Variants in DLG1 observed in about 807,000 individuals in gnomAD.
DLG1 encodes the protein discs large MAGUK scaffold protein 1, also known as disks large homolog 1.
A neutral mutation model predicts 123.4 loss-of-function variants in DLG1; 42 were observed. The observed-to-expected ratio is 0.34, with a 90% confidence interval of 0.27 to 0.44. The LOEUF is 0.44. DLG1 is among the 20% of genes least tolerant of loss of function. The pLI is 1.00. For missense variants in DLG1, 942 were observed against 1,082.6 expected (o/e 0.87, Z 1.82); for synonymous variants, 317 against 356.2 (o/e 0.89, Z 1.24).
At chr3:197,090,189 T>C (rs978823625) in intron 15 of DLG1, among the ~76,000 whole-genome samples, 4 of 152,100 alleles carry the variant, frequency 2.6e-5, no homozygotes, top group Non-Finnish European at 4.4e-5. Flanking sequence ...TTCAGATTAC[T>C]TACAGTGCTA....
At chr3:197,135,963 C>G (rs1408514901) in intron 10 of DLG1, among the ~76,000 whole-genome samples, 1 of 151,886 alleles carries the variant, frequency 6.6e-6, no homozygotes, top group Non-Finnish European at 1.5e-5. Flanking sequence ...AGGTGTATAT[C>G]ACCAGGTCTG....
At position 197,140,047 on chromosome 3, in the gene DLG1, G is replaced by A. The variant is rs1215148035; in HGVS notation, c.713+93C>T. On this transcript the variant is annotated intron_variant, in intron 8 of 24. Transcript: ENST00000667157. ...CTACCCTATGCTAGTTATCATGATC[G>A]TGTTTGTTATTTGTATTTATCCCTT... The A allele has an allele frequency of 1.3e-5, 18 of 1,371,458 alleles. No homozygotes were observed. The East Asian group carries it at 3.3e-4, about 25-fold the overall frequency. The allele number at this position is 1,371,458 out of a possible 1,614,324, so 85.0% of individuals were successfully genotyped here. A position where few individuals can be genotyped will look rare whatever the true frequency, so the allele number is the denominator to read the frequency against.
At chr3:197,274,434 C>A (rs112359194) in intron 4 of DLG1, among the ~76,000 whole-genome samples, 2,699 of 152,040 alleles carry the variant, frequency 0.018, 43 homozygotes, top group Non-Finnish European at 0.029. Context: ...AATATGAAAA[C>A]GTAACAAAAA....
intron 10 of DLG1, among the ~76,000 whole-genome samples, chr3:197,131,543 A>G (rs1394949215): frequency 6.6e-6 from 1 of 151,174 alleles, no homozygotes; most frequent in Non-Finnish European, 1.5e-5. Context: ...GTCTATATAC[A>G]ATATGATGAC....
intron 13 of DLG1, among the ~76,000 whole-genome samples, chr3:197,110,888 GCA>G (rs1380053132): frequency 1.3e-5 from 2 of 152,138 alleles, no homozygotes; most frequent in Non-Finnish European, 2.9e-5. Context: ...TAAATCGCTT[GCA>G]CAGAGGCTCA....
At chr3:197,109,263 G>C (rs1001772151) in intron 13 of DLG1, among the ~76,000 whole-genome samples, 15 of 152,136 alleles carry the variant, frequency 9.9e-5, no homozygotes, top group African/African-American at 3.6e-4. Flanking sequence ...CCAGCTACTC[G>C]GGAGGCTGAG....
At chr3:197,256,145 C>A (rs1024492796) in intron 4 of DLG1, among the ~76,000 whole-genome samples, 8 of 152,284 alleles carry the variant, frequency 5.3e-5, no homozygotes, top group African/African-American at 1.9e-4. Context: ...TAAAATGATT[C>A]TTTTTAGATA....
intron 23 of DLG1, among the ~76,000 whole-genome samples, chr3:197,059,200 C>T (rs1734071624): frequency 1.3e-5 from 2 of 152,150 alleles, no homozygotes; most frequent in Admixed American, 1.3e-4. Flanking sequence ...GGTGGGATTA[C>T]AGACGTGAGC....
At chr3:197,272,956 T>A (rs1764543758) in intron 4 of DLG1, among the ~76,000 whole-genome samples, 1 of 152,206 alleles carries the variant, frequency 6.6e-6, no homozygotes, top group African/African-American at 2.4e-5. Context: ...TACAATTCAG[T>A]GATTTTTGAT....
intron 4 of DLG1, among the ~76,000 whole-genome samples, chr3:197,280,199 A>G (rs1768547923): frequency 6.6e-6 from 1 of 152,016 alleles, no homozygotes; most frequent in Non-Finnish European, 1.5e-5. Context: ...TGAGATCAAC[A>G]TTTTTAGCTC....
At chr3:197,259,536 A>G (rs1279484649) in intron 4 of DLG1, among the ~76,000 whole-genome samples, 1 of 152,230 alleles carries the variant, frequency 6.6e-6, no homozygotes, top group Non-Finnish European at 1.5e-5. Context: ...ACTATGAGAC[A>G]TCGTAAGTGC....
chr3:197,145,030 C>T (rs991926613), intron 6 of DLG1, among the ~76,000 whole-genome samples: 13 of 142,634 alleles, frequency 9.1e-5, no homozygotes, highest in African/African-American at 1.3e-4. Context: ...ACCAGGAGCT[C>T]GCTTGCTTGC....
intron 4 of DLG1, among the ~76,000 whole-genome samples, chr3:197,254,020 A>C (rs985342622): frequency 6.6e-6 from 1 of 152,192 alleles, no homozygotes; most frequent in Non-Finnish European, 1.5e-5. Flanking sequence ...ACTTACCTAA[A>C]CAGTGTATCT....
chr3:197,199,263 C>T (rs1324497686), intron 4 of DLG1, among the ~76,000 whole-genome samples: 1 of 152,146 alleles, frequency 6.6e-6, no homozygotes, highest in East Asian at 1.9e-4. Flanking sequence ...AGTCTATTCT[C>T]TATTATAGGT....
At chr3:197,253,386 T>C (rs563186866) in intron 4 of DLG1, among the ~76,000 whole-genome samples, 2 of 152,170 alleles carry the variant, frequency 1.3e-5, no homozygotes, top group East Asian at 3.9e-4. Flanking sequence ...TAAAATAAAA[T>C]GAGGCAACAC....
At chr3:197,214,709 A>T (rs1197701852) in intron 4 of DLG1, among the ~76,000 whole-genome samples, 1 of 152,212 alleles carries the variant, frequency 6.6e-6, no homozygotes, top group Non-Finnish European at 1.5e-5. Context: ...GGAGAGCTCA[A>T]GTACATTACA....
In DLG1 at chr3:197,064,968, G is replaced by A. The variant is rs150023472; in HGVS notation, c.2373+308C>T. 1.4e-4 allele frequency among the ~76,000 whole-genome samples: 21 copies of A among 151,730 alleles called. 1 individual carries two copies. The East Asian group carries it at 3.1e-3, about 22-fold the overall frequency. On this transcript the variant is annotated intron_variant, in intron 22 of 24. Transcript: ENST00000667157. ...ACTGTAAGGGTGCACTGCCACACCC[G>A]GCCCTTATCTCCTTTTAATATATGC...
rs1364260335 is a variant in DLG1 at position 197,066,729 on chromosome 3, A to C, written c.2073T>G (p.Ser691=). 3.7e-6 allele frequency: 6 copies of C among 1,605,820 alleles called. No homozygotes were observed. Among genetic ancestry groups the C allele is most frequent in the Non-Finnish European group, 5.1e-6 (6 of 1,173,844 alleles). The change falls in exon 20 of 25, where the codon TCT becomes TCG. Residue 691 remains serine, a synonymous_variant. Coordinates refer to ENST00000667157, the MANE Select transcript of DLG1 (RefSeq NM_001366207.1). ...SYRGQEEYVL[S]YEPVNQQEVN... ...CTTCTTGTTGATTCACTGGTTCATAAGATAAGACGTATTCTTCTTGACCAC... is the reference window on the plus strand; with the variant it reads ...CTTCTTGTTGATTCACTGGTTCATACGATAAGACGTATTCTTCTTGACCAC...
intron 13 of DLG1, among the ~76,000 whole-genome samples, chr3:197,105,552 T>TGA (rs1765867676): frequency 6.6e-6 from 1 of 152,228 alleles, no homozygotes; most frequent in Non-Finnish European, 1.5e-5. Flanking sequence ...TTAGAATAAA[T>TGA]GTTAATTAAA....
Sources: gnomAD v4.1 joint callset for allele counts (sites outside exome capture counted in the v4.1 genomes callset) on GRCh38, gnomAD v4.1.1 for gene constraint, MANE v1.5 for transcripts, NCBI Gene and HGNC (gene_info 2026-07-23, HGNC 2026-07-21) for gene names.